Variants in ZSWIM5 observed in about 807,000 individuals in gnomAD.
ZSWIM5 encodes zinc finger SWIM domain-containing protein 5.
A neutral mutation model predicts 119.6 loss-of-function variants in ZSWIM5; 55 were observed. That is an observed-to-expected ratio of 0.46 (90% CI 0.37 to 0.58). The LOEUF (loss-of-function observed/expected upper bound fraction) is 0.58, where lower values mean the gene tolerates loss of function less well. Among genes scored for constraint, ZSWIM5 ranks in the 20% least tolerant of loss-of-function variants. ZSWIM5 has a pLI of 0.00. For missense variants in ZSWIM5, 1,193 were observed against 1,512.8 expected (o/e 0.79, Z 3.51); for synonymous variants, 537 against 606.9 (o/e 0.88, Z 1.69).
chr1:45,129,064 T>C (rs957508446), intron 1 of ZSWIM5, among the ~76,000 whole-genome samples: 20 of 152,006 alleles, frequency 1.3e-4, no homozygotes, highest in Admixed American at 4.6e-4. Context: ...TGAGTCTTCC[T>C]ATCCACGAAC....
In ZSWIM5 at chr1:45,202,595, C is replaced by G. The variant is rs529307211; in HGVS notation, c.595+3161G>C. ...TGTTGAAGTCACCTGTCAAAATCTA[C>G]TTAAAATTTCTGGATAAATACGTAC... On this transcript the variant is annotated intron_variant, in intron 1 of 13. Coordinates refer to ENST00000359600, the MANE Select transcript of ZSWIM5 (RefSeq NM_020883.2). Among the ~76,000 whole-genome samples, 45 of 152,136 alleles carry G rather than the reference C, an allele frequency of 3.0e-4. 1 individual carries two copies. The Middle Eastern group carries it at 0.01, about 34-fold the overall frequency.
At chr1:45,185,815 A>G (rs1646054525) in intron 1 of ZSWIM5, among the ~76,000 whole-genome samples, 1 of 152,238 alleles carries the variant, frequency 6.6e-6, no homozygotes, top group African/African-American at 2.4e-5. Context: ...ACTGTAAACT[A>G]GTTCAACCAT....
chr1:45,109,519 G>T (rs1292301796), intron 1 of ZSWIM5, among the ~76,000 whole-genome samples: 1 of 152,108 alleles, frequency 6.6e-6, no homozygotes, highest in East Asian at 1.9e-4. Context: ...GCTGAGGTGG[G>T]CAGATCACGA....
At chr1:45,140,607 C>T (rs960051817) in intron 1 of ZSWIM5, among the ~76,000 whole-genome samples, 2 of 152,142 alleles carry the variant, frequency 1.3e-5, no homozygotes, top group Non-Finnish European at 2.9e-5. Flanking sequence ...GCAGCCTAAA[C>T]AGCCCAATAA....
Position 45,060,096 on chromosome 1 carries a change from T to C in ZSWIM5, c.1101+3A>G. 1 of 1,614,130 alleles carries C rather than the reference T, an allele frequency of 6.2e-7. No individual in the cohort carries two copies. Among genetic ancestry groups the C allele is most frequent in the Non-Finnish European group, 8.5e-7 (1 of 1,180,002 alleles). On this transcript the variant is annotated splice_donor_region_variant and intron_variant, in intron 3 of 13. Coordinates refer to ENST00000359600, the MANE Select transcript of ZSWIM5 (RefSeq NM_020883.2). The stretch of plus-strand genomic sequence containing the variant: ...AAAAGAAAAACACCTTTTCATATCT[T>C]ACCTTGGCAAACATTGAGTTGAGTT...
At chr1:45,188,787 C>G (rs180836317) in intron 1 of ZSWIM5, among the ~76,000 whole-genome samples, 272 of 152,296 alleles carry the variant, frequency 1.8e-3, no homozygotes, top group African/African-American at 6.4e-3. Context: ...CAAGGCTAAC[C>G]TGTTTTGATG....
At chr1:45,139,219 T>G (rs1370254416) in intron 1 of ZSWIM5, among the ~76,000 whole-genome samples, 1 of 152,020 alleles carries the variant, frequency 6.6e-6, no homozygotes, top group Non-Finnish European at 1.5e-5. Context: ...TCTCACTCTG[T>G]TACCCAGGCT....
intron 5 of ZSWIM5, among the ~76,000 whole-genome samples, chr1:45,048,918 C>T (rs1297586248): frequency 2.0e-5 from 3 of 152,000 alleles, no homozygotes; most frequent in South Asian, 2.1e-4. Context: ...CTCAGGAGTT[C>T]GAGACTAGCC....
At chr1:45,195,599 A>G (rs1250698532) in intron 1 of ZSWIM5, among the ~76,000 whole-genome samples, 2 of 152,184 alleles carry the variant, frequency 1.3e-5, no homozygotes, top group South Asian at 2.1e-4. Context: ...ATAGCTTGGC[A>G]TTACATTAAA....
chr1:45,150,341 T>C (rs550673307), intron 1 of ZSWIM5, among the ~76,000 whole-genome samples: 29 of 152,202 alleles, frequency 1.9e-4, no homozygotes, highest in African/African-American at 7.0e-4. Flanking sequence ...CCAGAAACTA[T>C]GAAGTATTGA....
intron 1 of ZSWIM5, among the ~76,000 whole-genome samples, chr1:45,139,303 C>A (rs1252496114): frequency 1.3e-5 from 2 of 152,056 alleles, no homozygotes; most frequent in Admixed American, 6.6e-5. Context: ...ACCTCAGCCT[C>A]CTTACTAGCT....
At position 45,042,642 on chromosome 1, in the gene ZSWIM5, T is replaced by C. The variant is rs116758700; in HGVS notation, c.1609+577A>G. On this transcript the variant is annotated intron_variant, in intron 6 of 13. Coordinates refer to ENST00000359600, the MANE Select transcript of ZSWIM5 (RefSeq NM_020883.2). The stretch of plus-strand genomic sequence containing the variant: ...AATATTTTAAAAAGAATGTCTCTTT[T>C]GAAATGGGTATCCTTTGATAAAGTC... 8.2e-3 allele frequency among the ~76,000 whole-genome samples: 1,251 copies of C among 152,328 alleles called. 10 individuals carry two copies. Among genetic ancestry groups the C allele is most frequent in the Middle Eastern group, 0.024 (7 of 294 alleles).
chr1:45,067,055 C>A (rs1415756395), intron 2 of ZSWIM5, among the ~76,000 whole-genome samples: 1 of 152,030 alleles, frequency 6.6e-6, no homozygotes, highest in African/African-American at 2.4e-5. Context: ...ATAATAAAAT[C>A]ACATTTGGGT....
chr1:45,134,139 TC>T (rs1645675627), intron 1 of ZSWIM5, among the ~76,000 whole-genome samples: 1 of 152,170 alleles, frequency 6.6e-6, no homozygotes, highest in South Asian at 2.1e-4. Flanking sequence ...TTTTTCCAAT[TC>T]TGTGAAGAAA....
intron 2 of ZSWIM5, chr1:45,070,046 GAC>G: frequency 2.4e-6 from 2 of 829,884 alleles, no homozygotes; most frequent in Non-Finnish European, 4.3e-6. Flanking sequence ...ACCTCAATAA[GAC>G]ACACACGAAT....
chr1:45,133,167 T>C (rs1413511511), intron 1 of ZSWIM5, among the ~76,000 whole-genome samples: 1 of 152,216 alleles, frequency 6.6e-6, no homozygotes, highest in Non-Finnish European at 1.5e-5. Flanking sequence ...TTTCTAGTTC[T>C]TGATCCTTGA....
Position 45,058,633 on chromosome 1 carries a change from A to C in ZSWIM5, c.1228T>G (p.Cys410Gly). 1.2e-6 allele frequency: 2 copies of C among 1,614,240 alleles called. No individual in the cohort carries two copies. The highest frequency in any genetic ancestry group is 1.7e-6 in the Non-Finnish European group (2 of 1,180,044). Residue 410 changes from cysteine (C) to glycine (G), a missense_variant, in exon 4 of 14, where the codon TGC (cysteine) becomes GGC (glycine). Cys to Gly is a radical substitution (Grantham distance 159, BLOSUM62 -3). Transcript: ENST00000359600. ...CCTAGCTCATCCCAGAGCTGCCTGCACTTGTCTGTCATGTTTGTTCCTTGC... is the reference window on the plus strand; with the variant it reads ...CCTAGCTCATCCCAGAGCTGCCTGCCCTTGTCTGTCATGTTTGTTCCTTGC... Reference protein sequence around the residue: ...RQQGTNMTDKCRQLWDELGAL... With the variant: ...RQQGTNMTDKGRQLWDELGAL...
intron 2 of ZSWIM5, among the ~76,000 whole-genome samples, chr1:45,066,211 T>C (rs1350650888): frequency 2.6e-5 from 4 of 151,898 alleles, no homozygotes; most frequent in South Asian, 4.2e-4. Context: ...TTTATGGCTG[T>C]ATAGTATTCC....
At chr1:45,108,254 T>C (rs750682768) in intron 1 of ZSWIM5, among the ~76,000 whole-genome samples, 1 of 152,330 alleles carries the variant, frequency 6.6e-6, no homozygotes, top group Non-Finnish European at 1.5e-5. Flanking sequence ...ACCTGACTTA[T>C]TGATTCAAAC....
Sources: allele counts gnomAD v4.1 joint callset (sites outside exome capture counted in the v4.1 genomes callset), GRCh38; gene constraint gnomAD v4.1.1; transcripts MANE v1.5; gene names NCBI Gene and HGNC (gene_info 2026-07-23, HGNC 2026-07-21).